The following SEMA3A variants were observed in gnomAD, a reference collection of about 807,000 sequenced individuals.
The protein encoded by SEMA3A is semaphorin 3A, also known as semaphorin-3A.
SEMA3A carries 29 observed loss-of-function variants against 97.9 expected under a neutral mutation model. The observed-to-expected ratio is 0.30, with a 90% CI of 0.22 to 0.40. The LOEUF is 0.40. Ranked by LOEUF, SEMA3A falls within the 10% of genes least tolerant of loss-of-function variation. The pLI, the probability that SEMA3A is intolerant of heterozygous loss-of-function variation, is 1.00. For synonymous variants in SEMA3A, 321 were observed against 323.7 expected (o/e 0.99, Z 0.09); for missense variants, 763 against 951.3 (o/e 0.80, Z 2.60).
chr7:84,051,347 GA>G (rs1261799888), intron 5 of SEMA3A, among the ~76,000 whole-genome samples: 2 of 152,160 alleles, frequency 1.3e-5, no homozygotes, highest in Admixed American at 1.3e-4. Flanking sequence ...CATGAGCATG[GA>G]ATGTTCTTCC....
At chr7:84,408,802 C>T (rs1345951584) in intron 1 of SEMA3A, among the ~76,000 whole-genome samples, 1 of 151,674 alleles carries the variant, frequency 6.6e-6, no homozygotes, top group South Asian at 2.1e-4. Context: ...GGACAAAAAA[C>T]CAAACACCAC....
rs1799064372 is a variant in SEMA3A, at chr7:84,229,364, GT to G, written c.-82-34697del. ...TAGTAAATTTTATTTCATACATAGA[GT>G]GAGTGACACAGCATTTACTAGAATC... On this transcript the variant is annotated intron_variant, in intron 3 of 3. Transcript: ENST00000424555. Among the ~76,000 whole-genome samples, 4 of 152,146 alleles carry G rather than the reference GT, an allele frequency of 2.6e-5. No homozygotes were observed. In the South Asian group the frequency reaches 8.3e-4, roughly 32 times the overall value.
At chr7:84,377,781 G>A (rs910625039) in intron 1 of SEMA3A, among the ~76,000 whole-genome samples, 4 of 152,074 alleles carry the variant, frequency 2.6e-5, no homozygotes, top group Non-Finnish European at 5.9e-5. Flanking sequence ...TTTATATGGA[G>A]GTGTCCCAGG....
intron 1 of SEMA3A, among the ~76,000 whole-genome samples, chr7:84,458,553 C>T (rs796425928): frequency 4.6e-5 from 7 of 152,052 alleles, no homozygotes; most frequent in African/African-American, 1.7e-4. Context: ...ATACTTTGTG[C>T]ACCTGAAAGT....
Position 84,110,474 on chromosome 7 carries a change from G to T in SEMA3A, c.449C>A (p.Pro150His), listed in dbSNP as rs1238957835. ...ICTYIEIGHH[P>H]EDNIFKLENS... Reference sequence around the variant, plus strand: ...TTTTTAAAAAGCCAGCGTTACCTCAGGATGATGTCCAATTTCAATGTAGGT... The same window carrying T: ...TTTTTAAAAAGCCAGCGTTACCTCATGATGATGTCCAATTTCAATGTAGGT... The change falls in exon 4 of 17, where the codon CCT becomes CAT. Residue 150 changes from proline to histidine, a missense_variant. Physicochemically the swap from Pro to His is moderately conservative, Grantham distance 77 (BLOSUM62 -2). Transcript: ENST00000265362. The T allele has an allele frequency of 1.2e-6, 2 of 1,613,848 alleles. No homozygotes were observed. Among genetic ancestry groups the T allele is most frequent in the Non-Finnish European group, 1.7e-6 (2 of 1,179,828 alleles).
At chr7:83,979,695 T>C (rs573192651) in intron 14 of SEMA3A, among the ~76,000 whole-genome samples, 1 of 152,228 alleles carries the variant, frequency 6.6e-6, no homozygotes, top group South Asian at 2.1e-4. Flanking sequence ...GGTTTAATAA[T>C]TGTATTTCTT....
intron 1 of SEMA3A, among the ~76,000 whole-genome samples, chr7:84,451,578 T>G (rs1805557792): frequency 6.6e-6 from 1 of 152,182 alleles, no homozygotes; most frequent in African/African-American, 2.4e-5. Context: ...CATAGAAGCA[T>G]GAATATTCAG....
In SEMA3A at chr7:84,476,937, C is replaced by T. The variant is rs148448350; in HGVS notation, c.-246+15523G>A. On this transcript the variant is annotated intron_variant, in intron 1 of 3. Coordinates refer to the SEMA3A transcript ENST00000424555. ...TAAGATAACATTTTGATCAGTTTTC[C>T]AGTATTTAATTAACCTCTTTTATAA... 2.6e-4 allele frequency among the ~76,000 whole-genome samples: 40 copies of T among 151,592 alleles called. No homozygotes were observed. The East Asian group carries it at 6.2e-3, about 24-fold the overall frequency.
At chr7:84,237,683 T>C (rs2116371901) in intron 3 of SEMA3A, among the ~76,000 whole-genome samples, 1 of 152,182 alleles carries the variant, frequency 6.6e-6, no homozygotes, top group South Asian at 2.1e-4. Context: ...AAAGGGTGAT[T>C]CATGAAATCA....
intron 1 of SEMA3A, among the ~76,000 whole-genome samples, chr7:84,463,632 T>C (rs932654907): frequency 6.6e-6 from 1 of 152,120 alleles, no homozygotes; most frequent in African/African-American, 2.4e-5. Context: ...TCTTATTGCA[T>C]TCTTGTCAGT....
chr7:84,422,278 A>C (rs533344181), intron 1 of SEMA3A, among the ~76,000 whole-genome samples: 53 of 151,392 alleles, frequency 3.5e-4, no homozygotes, highest in Non-Finnish European at 5.6e-4. Context: ...TTATCCATTT[A>C]TTCTAGATTT....
intron 1 of SEMA3A, among the ~76,000 whole-genome samples, chr7:84,428,165 T>C (rs1248601057): frequency 1.3e-5 from 2 of 152,126 alleles, no homozygotes; most frequent in Non-Finnish European, 2.9e-5. Context: ...TCAATAACGC[T>C]TTCCTATAGA....
intron 1 of SEMA3A, among the ~76,000 whole-genome samples, chr7:84,460,425 GGAA>G (rs145385556): frequency 0.016 from 2,356 of 151,506 alleles, 62 homozygotes; most frequent in African/African-American, 0.053. Context: ...ACAGTGAGAA[GGAA>G]GAAGAATATT....
intron 1 of SEMA3A, among the ~76,000 whole-genome samples, chr7:84,397,006 C>T (rs1803754059): frequency 6.6e-6 from 1 of 151,712 alleles, no homozygotes; most frequent in African/African-American, 2.4e-5. Context: ...TTGTTCTGTA[C>T]CAATCAGAAC....
At chr7:84,215,945 A>C (rs1334383821) in intron 3 of SEMA3A, among the ~76,000 whole-genome samples, 1 of 152,240 alleles carries the variant, frequency 6.6e-6, no homozygotes, top group Middle Eastern at 3.4e-3. Context: ...ACACACACAT[A>C]ATTACCTCAA....
chr7:84,346,103 G>T (rs1169423846), intron 2 of SEMA3A, among the ~76,000 whole-genome samples: 1 of 152,138 alleles, frequency 6.6e-6, no homozygotes, highest in African/African-American at 2.4e-5. Context: ...TATGGAGATG[G>T]CATCTTTTCT....
At chr7:84,137,689 TAAAAAAAAAAAA>T (rs58880773) in intron 1 of SEMA3A, among the ~76,000 whole-genome samples, 1 of 85,276 alleles carries the variant, frequency 1.2e-5, no homozygotes, top group Non-Finnish European at 2.3e-5. Context: ...GGCCAAACTT[TAAAAAAAAAAAA>T]AAAAAAAAAA....
intron 1 of SEMA3A, among the ~76,000 whole-genome samples, chr7:84,453,471 C>T (rs1805613620): frequency 6.6e-6 from 1 of 152,012 alleles, no homozygotes; most frequent in Non-Finnish European, 1.5e-5. Context: ...CTCCTGACCT[C>T]GTGATCCGCC....
chr7:84,236,584 C>G (rs1799240178), intron 3 of SEMA3A, among the ~76,000 whole-genome samples: 1 of 152,108 alleles, frequency 6.6e-6, no homozygotes. Context: ...TTATCTTTAT[C>G]TCGCAAATAC....
Sources: gnomAD v4.1 joint callset for allele counts (sites outside exome capture counted in the v4.1 genomes callset) on GRCh38, gnomAD v4.1.1 for gene constraint, MANE v1.5 for transcripts, NCBI Gene and HGNC (gene_info 2026-07-23, HGNC 2026-07-21) for gene names.